Variants in TICAM1 observed in about 807,000 individuals in gnomAD.
TICAM1 encodes TIR domain containing adaptor molecule 1.
For synonymous variants in TICAM1, 439 were observed against 415.4 expected (o/e 1.06, Z -0.69); for missense variants, 895 against 938.2 (o/e 0.95, Z 0.60).
chr19:4,817,746 T>G lies in TICAM1; in HGVS notation c.632A>C (p.Gln211Pro). 6.2e-7 allele frequency: 1 copy of G among 1,602,524 alleles called. No individual in the cohort carries two copies. The change falls in exon 2 of 2, where the codon CAG becomes CCG. Residue 211 changes from glutamine to proline, a missense_variant. Coordinates refer to ENST00000248244, the MANE Select transcript of TICAM1 (RefSeq NM_182919.4). This position sits in a 1 kb window ranked among gnomAD's most constrained non-coding sequence, Gnocchi z 4.7. ...ASLASNLEIS[Q>P]SPTMPFLSLH... ...GCTGAGGAAGGGCATGGTAGGGGAC[T>G]GGCTGATTTCCAAGTTGCTGGCCAG...
chr19:4,827,129 T>C (rs1599147696), intron 1 of TICAM1, among the ~76,000 whole-genome samples: 1 of 150,974 alleles, frequency 6.6e-6, no homozygotes, highest in African/African-American at 2.4e-5. Flanking sequence ...GGCGGGTGGA[T>C]TGCCTGAGGT....
At chr19:4,826,244 TA>T (rs1343158635) in intron 1 of TICAM1, among the ~76,000 whole-genome samples, 3 of 151,718 alleles carry the variant, frequency 2.0e-5, no homozygotes, top group Non-Finnish European at 4.4e-5. Flanking sequence ...TATATTGAGT[TA>T]AATAAAATAT....
chr19:4,816,372 G>A lies in TICAM1; in HGVS notation c.2006C>T (p.Ala669Val). The A allele has an allele frequency of 3.1e-6, 5 of 1,589,168 alleles. No individual in the cohort carries two copies. Among genetic ancestry groups the A allele is most frequent in the Non-Finnish European group, 4.3e-6 (5 of 1,168,482 alleles). ...QSPAFPTASPAPPQSPGLQPL... is the reference protein window; with the variant it reads ...QSPAFPTASPVPPQSPGLQPL... ...TTGCAGCCCTGGGCTCTGAGGGGGT[G>A]CGGGTGAGGCCGTAGGGAAGGCTGG... Residue 669 changes from alanine (A) to valine (V), a missense_variant, in exon 2 of 2, where the codon GCA (alanine) becomes GTA (valine). Coordinates refer to ENST00000248244, the MANE Select transcript of TICAM1 (RefSeq NM_182919.4). The surrounding 1 kb of genome is among the most constrained non-coding windows in gnomAD (Gnocchi z 4.3).
Position 4,818,527 on chromosome 19 carries a change from C to G in TICAM1, c.-139-11G>C, listed in dbSNP as rs1317383294. ...GCTGCCCAAGCAGATCTGTAGGAAA[C>G]AGGAGAAGCAAACACACTTACCCCC... On this transcript the variant is annotated splice_polypyrimidine_tract_variant and intron_variant, in intron 1 of 1. Coordinates refer to ENST00000248244, the MANE Select transcript of TICAM1 (RefSeq NM_182919.4). The surrounding 1 kb of genome is among the most constrained non-coding windows in gnomAD (Gnocchi z 4.0). The G allele has an allele frequency of 5.0e-5, 70 of 1,407,802 alleles. No homozygotes were observed. Among genetic ancestry groups the G allele is most frequent in the Non-Finnish European group, 6.3e-5 (68 of 1,075,202 alleles). 87.2% of individuals were successfully genotyped at this position (1,407,802 alleles called of 1,614,324 possible). A position where few individuals can be genotyped will look rare whatever the true frequency, so the allele number is the denominator to read the frequency against.
chr19:4,823,504 A>G (rs1054077944), intron 1 of TICAM1, among the ~76,000 whole-genome samples: 2 of 147,586 alleles, frequency 1.4e-5, no homozygotes, highest in Non-Finnish European at 3.0e-5. Flanking sequence ...GCATGGTGGC[A>G]TGCGCCTGAA....
Position 4,816,520 on chromosome 19 carries a change from G to T in TICAM1, c.1858C>A (p.Pro620Thr). The T allele has an allele frequency of 3.1e-6, 5 of 1,595,770 alleles. No individual in the cohort carries two copies. Among genetic ancestry groups the T allele is most frequent in the Non-Finnish European group, 4.3e-6 (5 of 1,172,052 alleles). The change falls in exon 2 of 2, where the codon CCC becomes ACC. Residue 620 changes from proline (P) to threonine (T), a missense_variant. Transcript: ENST00000248244. The surrounding 1 kb of genome is among the most constrained non-coding windows in gnomAD (Gnocchi z 4.3). ...GGGCACCCCGGCCAAGTGGGAAAGG[G>T]TGGCGGGGCTCCCAGGGGCACCTGG... ...GGQVPLGAPP[P>T]FPTWPGCPQP...
At chr19:4,823,237 G>A (rs2093600573) in intron 1 of TICAM1, among the ~76,000 whole-genome samples, 1 of 151,832 alleles carries the variant, frequency 6.6e-6, no homozygotes, top group Non-Finnish European at 1.5e-5. Context: ...GGCCGAGGTG[G>A]GCAGATCACC....
intron 1 of TICAM1, among the ~76,000 whole-genome samples, chr19:4,826,308 T>G (rs1010356863): frequency 2.1e-5 from 3 of 142,136 alleles, no homozygotes; most frequent in Non-Finnish European, 4.5e-5. Flanking sequence ...TTAGGAGATA[T>G]ATATATATAT....
At chr19:4,821,423 G>A (rs749622420) in intron 1 of TICAM1, among the ~76,000 whole-genome samples, 2 of 151,982 alleles carry the variant, frequency 1.3e-5, no homozygotes, top group Admixed American at 6.6e-5. Context: ...CTTATTTGAG[G>A]GCTTACTACA....
At position 4,818,308 on chromosome 19, in the gene TICAM1, A is replaced by G. The variant is rs770902111; in HGVS notation, c.70T>C (p.Leu24=). ...ILGAAGQDKL[L]YLKHKLKTPR... ...GTCTTCAGTTTGTGCTTCAGATACA[A>G]GAGCTTGTCCTGGCCTGCTGCACCT... Residue 24 remains leucine, a synonymous_variant, in exon 2 of 2, where the codon TTG becomes CTG. Coordinates refer to ENST00000248244, the MANE Select transcript of TICAM1 (RefSeq NM_182919.4). The surrounding 1 kb of genome is among the most constrained non-coding windows in gnomAD (Gnocchi z 4.0). The G allele has an allele frequency of 1.2e-6, 2 of 1,612,802 alleles. No homozygotes were observed. The highest frequency in any genetic ancestry group is 2.2e-5 in the South Asian group (2 of 91,072).
chr19:4,817,361 T>G lies in TICAM1; in HGVS notation c.1017A>C (p.Glu339Asp). The change falls in exon 2 of 2, where the codon GAA (glutamate) becomes GAC (aspartate). Residue 339 changes from glutamate to aspartate, a missense_variant. Physicochemically the swap from Glu to Asp is conservative, Grantham distance 45. Transcript: ENST00000248244. This position sits in a 1 kb window ranked among gnomAD's most constrained non-coding sequence, Gnocchi z 4.7. Reference protein sequence around the residue: ...KDQTPLQLSVEDTTSPNTKPC... With the variant: ...KDQTPLQLSVDDTTSPNTKPC... ...GCTTGGTATTTGGAGAGGTGGTATC[T>G]TCTACAGAAAGTTGGAGTGGCGTCT... 1 of 1,613,866 alleles carries G rather than the reference T, an allele frequency of 6.2e-7. No homozygotes were observed. The highest frequency in any genetic ancestry group is 1.1e-5 in the South Asian group (1 of 91,076).
Position 4,818,786 on chromosome 19 carries a change from A to G in TICAM1, c.-139-270T>C, listed in dbSNP as rs2093592384. On this transcript the variant is annotated intron_variant, in intron 1 of 1. Coordinates refer to ENST00000248244, the MANE Select transcript of TICAM1 (RefSeq NM_182919.4). This position sits in a 1 kb window ranked among gnomAD's most constrained non-coding sequence, Gnocchi z 4.0. The stretch of plus-strand genomic sequence containing the variant: ...GGACTTCGAGACCAGCCTGGGCAAC[A>G]CAGCCAGACTCCGTCTCCACTAAAA... Among the ~76,000 whole-genome samples the G allele has an allele frequency of 6.6e-6, 1 of 152,126 alleles. No individual in the cohort carries two copies. The highest frequency in any genetic ancestry group is 1.5e-5 in the Non-Finnish European group (1 of 68,036).
At position 4,817,315 on chromosome 19, in the gene TICAM1, TG is replaced by T. The variant is rs1444573996; in HGVS notation, c.1062del (p.Thr355ProfsTer22). 1 of 1,602,944 alleles carries T rather than the reference TG, an allele frequency of 6.2e-7. No homozygotes were observed. Among genetic ancestry groups the T allele is most frequent in the Non-Finnish European group, 8.5e-7 (1 of 1,176,862 alleles). ...GGAGGAGGAGGGGATGTTTCTGGGGTGGTGGGAGTAGGTGGGCACGGCTTGG... is the reference window on the plus strand; with the variant it reads ...GGAGGAGGAGGGGATGTTTCTGGGGTGTGGGAGTAGGTGGGCACGGCTTGG... ...PNTKPCPPTP[T>X]TPETSPPPPP... is the part of the protein sequence containing the mutation. On this transcript the variant is annotated frameshift_variant, in exon 2 of 2. Transcript: ENST00000248244. LOFTEE classifies it low-confidence loss of function (END_TRUNC). This position sits in a 1 kb window ranked among gnomAD's most constrained non-coding sequence, Gnocchi z 4.7.
Position 4,817,594 on chromosome 19 carries a change from C to T in TICAM1, c.784G>A (p.Ala262Thr), listed in dbSNP as rs778636825. The T allele has an allele frequency of 6.2e-7, 1 of 1,606,080 alleles. No homozygotes were observed. The highest frequency in any genetic ancestry group is 1.8e-4 in the Middle Eastern group (1 of 5,626). ...CTGCTTGGCAGCTCTGGTGGGCTGGCAATCTCCCCCGATGGCGGCCAGCTC... is the reference window on the plus strand; with the variant it reads ...CTGCTTGGCAGCTCTGGTGGGCTGGTAATCTCCCCCGATGGCGGCCAGCTC... Reference protein sequence around the residue: ...EMSWPPSGEIASPPELPSSPP... With the variant: ...EMSWPPSGEITSPPELPSSPP... Residue 262 changes from alanine (A) to threonine (T), a missense_variant, in exon 2 of 2, where the codon GCC (alanine) becomes ACC (threonine). Transcript: ENST00000248244. The surrounding 1 kb of genome is among the most constrained non-coding windows in gnomAD (Gnocchi z 4.7).
chr19:4,825,521 T>G (rs926421954), intron 1 of TICAM1, among the ~76,000 whole-genome samples: 3 of 149,044 alleles, frequency 2.0e-5, no homozygotes. Context: ...GCGGCCGGCA[T>G]TTTATCTAAT....
chr19:4,821,030 TAAA>T (rs373375585), intron 1 of TICAM1, among the ~76,000 whole-genome samples: 2 of 140,496 alleles, frequency 1.4e-5, no homozygotes, highest in Non-Finnish European at 1.6e-5. Flanking sequence ...CCGTCTCTAG[TAAA>T]AAAAAAAAAA....
rs2093587524 is a variant in TICAM1 at position 4,817,147 on chromosome 19, G to A, written c.1231C>T (p.Arg411Trp). Residue 411 changes from arginine (R) to tryptophan (W), a missense_variant, in exon 2 of 2, where the codon CGG becomes TGG. Coordinates refer to ENST00000248244, the MANE Select transcript of TICAM1 (RefSeq NM_182919.4). This position sits in a 1 kb window ranked among gnomAD's most constrained non-coding sequence, Gnocchi z 4.7. ...AGGGCCTCCAGCTTCTCCCGAACCC[G>A]CAGGGCGATGTGTTCGTCTGCCCTG... The part of the protein sequence containing the change: ...HARADEHIAL[R>W]VREKLEALGV... 5.6e-6 allele frequency: 9 copies of A among 1,614,068 alleles called. No homozygotes were observed. Among genetic ancestry groups the A allele is most frequent in the East Asian group, 2.2e-5 (1 of 44,894 alleles).
chr19:4,824,667 T>C (rs1454992053), intron 1 of TICAM1, among the ~76,000 whole-genome samples: 1 of 142,736 alleles, frequency 7.0e-6, no homozygotes, highest in African/African-American at 2.5e-5. Flanking sequence ...GCACAGTGGC[T>C]CACACCTGTA....
At chr19:4,828,936 C>T (rs961560482) in intron 1 of TICAM1, among the ~76,000 whole-genome samples, 21 of 152,162 alleles carry the variant, frequency 1.4e-4, no homozygotes, top group African/African-American at 4.8e-4. Context: ...CTCTTGATCT[C>T]GTGATCCGCC....
Sources: allele counts gnomAD v4.1 joint callset (sites outside exome capture counted in the v4.1 genomes callset), GRCh38; gene constraint gnomAD v4.1.1; non-coding constraint Gnocchi (gnomAD v3.1); transcripts MANE v1.5; gene names NCBI Gene and HGNC (gene_info 2026-07-23, HGNC 2026-07-21).